Variants in SLC7A11 observed in about 807,000 individuals in gnomAD.
The protein encoded by SLC7A11 is cystine/glutamate transporter.
A neutral mutation model predicts 54.5 loss-of-function variants in SLC7A11; 35 were observed. The ratio of observed to expected loss-of-function variants is 0.64; its 90% CI spans 0.49 to 0.85. The LOEUF is 0.85. SLC7A11 is among the 40% of genes least tolerant of loss of function. The pLI is 0.00. For synonymous variants in SLC7A11, 230 were observed against 225.2 expected, an observed-to-expected ratio of 1.02 and a Z score of -0.19; for missense variants, 583 against 618.1, an observed-to-expected ratio of 0.94 and a Z score of 0.60.
At chr4:138,193,458 G>A (rs1737059335) in intron 6 of SLC7A11, among the ~76,000 whole-genome samples, 1 of 152,138 alleles carries the variant, frequency 6.6e-6, no homozygotes, top group South Asian at 2.1e-4. Context: ...TCAAAGTCAT[G>A]TCTTTACATC....
chr4:138,229,706 A>T (rs907677895), intron 3 of SLC7A11, among the ~76,000 whole-genome samples: 2 of 152,198 alleles, frequency 1.3e-5, no homozygotes, highest in African/African-American at 4.8e-5. Flanking sequence ...TCCCTTTAAA[A>T]TGTTTAATTG....
intron 2 of SLC7A11, among the ~76,000 whole-genome samples, chr4:138,234,575 A>T (rs566448494): frequency 8.7e-5 from 13 of 148,940 alleles, no homozygotes; most frequent in Middle Eastern, 3.4e-3. Context: ...TTTTTTTTTT[A>T]AATTAAAGTA....
At chr4:138,187,861 A>C (rs1736914777) in intron 6 of SLC7A11, among the ~76,000 whole-genome samples, 1 of 152,066 alleles carries the variant, frequency 6.6e-6, no homozygotes, top group Non-Finnish European at 1.5e-5. Flanking sequence ...CCCTAAAAAA[A>C]CTTTTTTTTA....
At chr4:138,215,478 G>T (rs2148439942) in intron 5 of SLC7A11, among the ~76,000 whole-genome samples, 1 of 152,168 alleles carries the variant, frequency 6.6e-6, no homozygotes, top group South Asian at 2.1e-4. Context: ...TTCACAAGTA[G>T]TCAGTTGATG....
At chr4:138,239,740 T>C (rs1282039506) in intron 1 of SLC7A11, among the ~76,000 whole-genome samples, 1 of 152,248 alleles carries the variant, frequency 6.6e-6, no homozygotes, top group Non-Finnish European at 1.5e-5. Flanking sequence ...ATTTTCATAG[T>C]GCAAGTCAAC....
Position 138,216,830 on chromosome 4 carries a change from G to A in SLC7A11, c.747-2201C>T, listed in dbSNP as rs578085942. Reference sequence around the variant, plus strand: ...TTTTATTAGGGGGGTATCAAACATTGTCATAGCAGCAGCATAGGGAGTGGA... The same window carrying A: ...TTTTATTAGGGGGGTATCAAACATTATCATAGCAGCAGCATAGGGAGTGGA... On this transcript the variant is annotated intron_variant, in intron 5 of 11. Coordinates refer to ENST00000280612, the MANE Select transcript of SLC7A11 (RefSeq NM_014331.4). Among the ~76,000 whole-genome samples the A allele has an allele frequency of 2.0e-5, 3 of 152,260 alleles. No individual in the cohort carries two copies. The East Asian group carries it at 5.8e-4, about 29-fold the overall frequency.
At position 138,165,930 on chromosome 4, in the gene SLC7A11, A is replaced by G. The variant is rs1022445628; in HGVS notation, c.*6026T>C. 3 of 152,276 alleles carry G rather than the reference A, an allele frequency of 2.0e-5. No homozygotes were observed. Among genetic ancestry groups the G allele is most frequent in the Middle Eastern group, 3.4e-3 (1 of 294 alleles). The allele number at this position is 152,276 out of a possible 1,614,324, so 9.4% of individuals were successfully genotyped here. On this transcript the variant is annotated 3_prime_UTR_variant, in exon 12 of 12. Transcript: ENST00000280612. ...GGTTGTTTGTGCAATAATCATAGTG[A>G]TTTACATTGCTTTTCTTCTTTCAGA... is the stretch of plus-strand genomic sequence containing the variant.
At chr4:138,185,058 C>T in intron 7 of SLC7A11, 63 bp downstream of exon 7, 1 of 1,574,708 alleles carries the variant, frequency 6.4e-7, no homozygotes, top group Non-Finnish European at 8.7e-7. Context: ...GAGGGAACTA[C>T]TATAAAATTG....
chr4:138,175,187 T>G (rs903193808), intron 11 of SLC7A11, among the ~76,000 whole-genome samples: 3 of 152,200 alleles, frequency 2.0e-5, no homozygotes, highest in African/African-American at 7.2e-5. Flanking sequence ...TAAATGAAGT[T>G]ATCTTGACCC....
chr4:138,189,252 C>T (rs893485250), intron 6 of SLC7A11, among the ~76,000 whole-genome samples: 1 of 152,168 alleles, frequency 6.6e-6, no homozygotes, highest in Non-Finnish European at 1.5e-5. Context: ...CTGGCAAATA[C>T]ATCTTATTTT....
rs1193840126 is a variant in SLC7A11, at chr4:138,167,155, T to C, written c.*4801A>G. On this transcript the variant is annotated 3_prime_UTR_variant, in exon 12 of 12. Transcript: ENST00000280612. ...TATTTAAAAATCTTTTTTTTTTTTT[T>C]TTTTTTTTTTTGAGATGAAGTCTCG... is the stretch of plus-strand genomic sequence containing the variant. 7.1e-6 allele frequency: 1 copy of C among 140,624 alleles called. No individual in the cohort carries two copies. The highest frequency in any genetic ancestry group is 2.7e-5 in the African/African-American group (1 of 37,628). 8.7% of individuals were successfully genotyped at this position (140,624 alleles called of 1,614,324 possible).
intron 11 of SLC7A11, chr4:138,175,561 T>A (rs1356983358): frequency 2.6e-5 from 4 of 152,068 alleles, no homozygotes; most frequent in Admixed American, 6.6e-5. Flanking sequence ...ATAATATAAC[T>A]AACCCACCAG....
chr4:138,191,341 T>C (rs1015738809), intron 6 of SLC7A11, among the ~76,000 whole-genome samples: 6 of 152,324 alleles, frequency 3.9e-5, no homozygotes, highest in Admixed American at 1.3e-4. Context: ...ATACCACTGA[T>C]GTCTAATCTA....
intron 3 of SLC7A11, among the ~76,000 whole-genome samples, chr4:138,225,138 C>CTATATATATATATATATATA (rs36216785): frequency 8.5e-4 from 100 of 118,296 alleles, no homozygotes; most frequent in South Asian, 1.7e-3. Context: ...AATAATTTCA[C>CTATATATATATATATATATA]TATATATATA....
At chr4:138,221,728 T>C (rs575563933) in intron 4 of SLC7A11, among the ~76,000 whole-genome samples, 1 of 152,312 alleles carries the variant, frequency 6.6e-6, no homozygotes, top group East Asian at 1.9e-4. Context: ...CCCTTCCTCA[T>C]ATACATATAT....
chr4:138,217,717 G>A (rs1318346918), intron 5 of SLC7A11, among the ~76,000 whole-genome samples: 1 of 152,154 alleles, frequency 6.6e-6, no homozygotes, highest in African/African-American at 2.4e-5. Flanking sequence ...CCAACACTTG[G>A]CTGTAGCTGA....
At chr4:138,183,456 C>T in intron 7 of SLC7A11, 151 bp from the exon 8 acceptor site, 1 of 619,982 alleles carries the variant, frequency 1.6e-6, no homozygotes, top group Non-Finnish European at 2.9e-6. Flanking sequence ...GTCAGACTAA[C>T]TCCGTAGACA....
chr4:138,185,045 C>A (rs780846216), intron 7 of SLC7A11, 76 bp downstream of exon 7: 5 of 1,505,526 alleles, frequency 3.3e-6, no homozygotes, highest in Non-Finnish European at 4.6e-6. Flanking sequence ...ACACTTTCTG[C>A]TAGAGGGAAC....
intron 6 of SLC7A11, among the ~76,000 whole-genome samples, chr4:138,187,660 A>T (rs1300707837): frequency 6.6e-6 from 1 of 152,138 alleles, no homozygotes; most frequent in African/African-American, 2.4e-5. Flanking sequence ...AGTATTTCTC[A>T]TGTATTCTTT....
Sources: gnomAD v4.1 joint callset for allele counts (sites outside exome capture counted in the v4.1 genomes callset) on GRCh38, gnomAD v4.1.1 for gene constraint, MANE v1.5 for transcripts, NCBI Gene and HGNC (gene_info 2026-07-23, HGNC 2026-07-21) for gene names.